The following ZNF705G variants were observed in gnomAD, a reference collection of about 807,000 sequenced individuals.
The protein encoded by ZNF705G is zinc finger protein 705G.
Under a neutral mutation model 19.6 loss-of-function variants are expected in ZNF705G, and 23 were observed. The observed-to-expected ratio is 1.17, with a 90% CI of 0.84 to 1.66. The LOEUF (loss-of-function observed/expected upper bound fraction) is 1.66, where lower values mean the gene tolerates loss of function less well. Ranked by LOEUF, ZNF705G falls within the 40% of genes most tolerant of loss-of-function variation. The pLI is 0.00. For missense variants in ZNF705G, 457 were observed against 354.4 expected (o/e 1.29, Z -2.32); for synonymous variants, 146 against 117.7 (o/e 1.24, Z -1.56).
intron 2 of ZNF705G, among the ~76,000 whole-genome samples, chr8:7,381,071 G>C (rs548863526): frequency 7.5e-6 from 1 of 133,140 alleles, no homozygotes; most frequent in Non-Finnish European, 1.5e-5. Flanking sequence ...CATCTTTGCC[G>C]TGATGTCTGG....
chr8:7,369,815 T>C (rs1807015665), intron 2 of ZNF705G, among the ~76,000 whole-genome samples: 1 of 149,230 alleles, frequency 6.7e-6, no homozygotes, highest in African/African-American at 2.6e-5. Flanking sequence ...ATGTTCTTAG[T>C]TATAAGTGAG....
At chr8:7,366,657 T>C (rs1172417894) in intron 2 of ZNF705G, among the ~76,000 whole-genome samples, 4 of 149,724 alleles carry the variant, frequency 2.7e-5, no homozygotes, top group African/African-American at 7.7e-5. Context: ...TTATTTGCTG[T>C]ACGTTATTTT....
intron 2 of ZNF705G, among the ~76,000 whole-genome samples, chr8:7,365,406 A>T (rs1341815241): frequency 1.7e-5 from 2 of 120,632 alleles, no homozygotes; most frequent in Non-Finnish European, 3.1e-5. Context: ...TTGGCGGAGT[A>T]TCACTCTTGT....
In ZNF705G at chr8:7,356,383, G is replaced by C. The variant is rs1008180563; in HGVS notation, c.*1593C>G. ...CTACTTCCAGTTAGAGAGGCTCCAG[G>C]GACAAAATTTCAAGAGTCTTCTGAG... On this transcript the variant is annotated 3_prime_UTR_variant, in exon 7 of 7. Transcript: ENST00000400156. 2 of 149,860 alleles carry C rather than the reference G, an allele frequency of 1.3e-5. No individual in the cohort carries two copies. The highest frequency in any genetic ancestry group is 2.9e-5 in the Non-Finnish European group (2 of 68,278). 9.3% of individuals were successfully genotyped at this position (149,860 alleles called of 1,614,324 possible). A position where few individuals can be genotyped will look rare whatever the true frequency, so the allele number is the denominator to read the frequency against.
At chr8:7,379,873 T>G (rs1484474034) in intron 2 of ZNF705G, among the ~76,000 whole-genome samples, 1 of 145,936 alleles carries the variant, frequency 6.9e-6, no homozygotes. Flanking sequence ...AATGCCAATT[T>G]GAGAGCCCAG....
intron 2 of ZNF705G, among the ~76,000 whole-genome samples, chr8:7,366,289 A>G (rs1372436695): frequency 1.3e-5 from 2 of 149,402 alleles, no homozygotes. Context: ...GAATGGTGAA[A>G]GTGGAATGGA....
chr8:7,361,482 C>A (rs1806592955), intron 3 of ZNF705G, among the ~76,000 whole-genome samples: 1 of 149,560 alleles, frequency 6.7e-6, no homozygotes, highest in South Asian at 2.1e-4. Flanking sequence ...TAATATAACC[C>A]AGATATTTTT....
chr8:7,366,660 G>T (rs769845509), intron 2 of ZNF705G, among the ~76,000 whole-genome samples: 2 of 149,512 alleles, frequency 1.3e-5, no homozygotes, highest in African/African-American at 2.6e-5. Flanking sequence ...TTTGCTGTAC[G>T]TTATTTTTAA....
At chr8:7,368,141 A>T (rs1427611782) in intron 2 of ZNF705G, among the ~76,000 whole-genome samples, 16 of 149,484 alleles carry the variant, frequency 1.1e-4, no homozygotes, top group Admixed American at 7.9e-4. Context: ...TCCAAGAGAC[A>T]TGCCCTGATT....
chr8:7,357,876 G>T lies in ZNF705G; in HGVS notation c.*100C>A. ...AAGAAGTTTATAATTTTCTCTCCAGGGTGAATTTTCTGATGCTCTTTAAGA... is the reference window on the plus strand; with the variant it reads ...AAGAAGTTTATAATTTTCTCTCCAGTGTGAATTTTCTGATGCTCTTTAAGA... On this transcript the variant is annotated 3_prime_UTR_variant, in exon 7 of 7. Coordinates refer to ENST00000400156, the MANE Select transcript of ZNF705G (RefSeq NM_001164457.3). The T allele has an allele frequency of 1.9e-6, 3 of 1,548,610 alleles. No homozygotes were observed. Among genetic ancestry groups the T allele is most frequent in the East Asian group, 2.3e-5 (1 of 44,212 alleles).
intron 6 of ZNF705G, 26 bp downstream of exon 6, chr8:7,359,593 C>T (rs753844877): frequency 1.3e-5 from 21 of 1,604,080 alleles, no homozygotes; most frequent in East Asian, 2.2e-5. Flanking sequence ...ACTTAGATGA[C>T]TGGTGTACAC....
intron 1 of ZNF705G, among the ~76,000 whole-genome samples, chr8:7,382,569 A>G (rs1403887869): frequency 2.0e-5 from 3 of 146,388 alleles, no homozygotes; most frequent in Non-Finnish European, 4.4e-5. Context: ...CCATTCTATA[A>G]AAAAGTTTAT....
At position 7,366,871 on chromosome 8, in the gene ZNF705G, G is replaced by C. The variant is rs531468438; in HGVS notation, c.-71-3854C>G. 1.4e-3 allele frequency among the ~76,000 whole-genome samples: 213 copies of C among 149,754 alleles called. 28 individuals are homozygous for C. The highest frequency in any genetic ancestry group is 4.8e-3 in the African/African-American group (186 of 39,120). On this transcript the variant is annotated intron_variant, in intron 2 of 6. Coordinates refer to ENST00000400156, the MANE Select transcript of ZNF705G (RefSeq NM_001164457.3). ...GAAAGAAATTCTCTATATCTGCATT[G>C]TCCAATGCAGTAACTACCACACATA...
intron 2 of ZNF705G, among the ~76,000 whole-genome samples, chr8:7,367,142 C>T (rs1285329724): frequency 2.7e-5 from 4 of 149,350 alleles, no homozygotes; most frequent in Non-Finnish European, 2.9e-5. Context: ...TAACAATTCA[C>T]ACAATAAAAT....
rs559130404 is a variant in ZNF705G at position 7,365,325 on chromosome 8, C to T, written c.-71-2308G>A. On this transcript the variant is annotated intron_variant, in intron 2 of 6. Coordinates refer to ENST00000400156, the MANE Select transcript of ZNF705G (RefSeq NM_001164457.3). ...TAACAACTTATGTATTTGGTGACTT[C>T]AAGATGAGAGCCTGCACAGCTTAGT... 8.8e-5 allele frequency among the ~76,000 whole-genome samples: 13 copies of T among 148,290 alleles called. 1 individual carries two copies. The highest frequency in any genetic ancestry group is 3.1e-4 in the African/African-American group (12 of 38,302).
At chr8:7,363,805 A>C (rs564100762) in intron 2 of ZNF705G, among the ~76,000 whole-genome samples, 256 of 149,180 alleles carry the variant, frequency 1.7e-3, no homozygotes, top group Non-Finnish European at 2.7e-3. Context: ...AGGGTGACAG[A>C]GCGAGACTCT....
At chr8:7,367,804 TTTC>T (rs1243436009) in intron 2 of ZNF705G, among the ~76,000 whole-genome samples, 1 of 149,978 alleles carries the variant, frequency 6.7e-6, no homozygotes, top group Admixed American at 6.5e-5. Flanking sequence ...GGTCGAATTC[TTTC>T]TTCTAGGAGG....
At chr8:7,365,445 C>G (rs1475444022) in intron 2 of ZNF705G, among the ~76,000 whole-genome samples, 3 of 140,474 alleles carry the variant, frequency 2.1e-5, no homozygotes, top group African/African-American at 5.9e-5. Flanking sequence ...GTGGCGCGAT[C>G]TCGGCTCACC....
intron 1 of ZNF705G, among the ~76,000 whole-genome samples, chr8:7,384,430 A>T (rs574727660): frequency 6.9e-6 from 1 of 145,810 alleles, no homozygotes; most frequent in Admixed American, 6.6e-5. Flanking sequence ...CATTTCTCAA[A>T]AAAAGACATT....
Sources: gnomAD v4.1 joint callset for allele counts (sites outside exome capture counted in the v4.1 genomes callset) on GRCh38, gnomAD v4.1.1 for gene constraint, MANE v1.5 for transcripts, NCBI Gene and HGNC (gene_info 2026-07-23, HGNC 2026-07-21) for gene names.